Variants in NCS1 observed in about 807,000 individuals in gnomAD.
NCS1 encodes the protein neuronal calcium sensor 1, also known as frequenin homolog.
In NCS1, 6 loss-of-function variants were observed where a neutral mutation model predicts 28.4. That is an observed-to-expected ratio of 0.21 (90% confidence interval 0.12 to 0.42). The LOEUF (loss-of-function observed/expected upper bound fraction) is 0.42. Ranked by LOEUF, NCS1 falls within the 10% of genes least tolerant of loss-of-function variation. The pLI, the probability that NCS1 is intolerant of heterozygous loss-of-function variation, is 1.00. For synonymous variants in NCS1, 86 were observed against 99.3 expected (o/e 0.87, Z 0.79); for missense variants, 131 against 241.4 (o/e 0.54, Z 3.03).
At chr9:130,214,219 G>A (rs1172334143) in intron 2 of NCS1, among the ~76,000 whole-genome samples, 4 of 152,192 alleles carry the variant, frequency 2.6e-5, no homozygotes, top group African/African-American at 9.7e-5. Context: ...GAGGAGGCCC[G>A]GAGGCCTCAG....
intron 2 of NCS1, among the ~76,000 whole-genome samples, chr9:130,214,242 G>A (rs1036099669): frequency 6.6e-6 from 1 of 152,244 alleles, no homozygotes; most frequent in Non-Finnish European, 1.5e-5. Context: ...CTGGGGCTGG[G>A]CCGACTTCCT....
intron 7 of NCS1, among the ~76,000 whole-genome samples, chr9:130,231,708 G>A (rs139689084): frequency 1.6e-4 from 24 of 151,868 alleles, no homozygotes; most frequent in African/African-American, 5.6e-4. Flanking sequence ...TGGTTCTTTG[G>A]GTATATACCT....
intron 1 of NCS1, among the ~76,000 whole-genome samples, chr9:130,187,138 G>A (rs1458513956): frequency 1.3e-5 from 2 of 152,162 alleles, no homozygotes; most frequent in Non-Finnish European, 2.9e-5. Flanking sequence ...TCGGAAAGCA[G>A]GGGAGCAATG....
intron 2 of NCS1, among the ~76,000 whole-genome samples, chr9:130,211,534 G>T (rs889467870): frequency 1.4e-4 from 22 of 151,732 alleles, no homozygotes; most frequent in African/African-American, 4.8e-4. Flanking sequence ...CTGGAATCAA[G>T]CAGAAGATGT....
intron 1 of NCS1, among the ~76,000 whole-genome samples, chr9:130,197,587 G>T (rs139465029): frequency 6.6e-6 from 1 of 152,310 alleles, no homozygotes; most frequent in Non-Finnish European, 1.5e-5. Context: ...AGCCTGACCC[G>T]TGCCAGAGCT....
chr9:130,207,363 C>T (rs1554908234), intron 2 of NCS1, among the ~76,000 whole-genome samples: 1 of 152,248 alleles, frequency 6.6e-6, no homozygotes, highest in Non-Finnish European at 1.5e-5. Context: ...TCACCGTGCA[C>T]TGGCCACACT....
Position 130,192,576 on chromosome 9 carries a change from G to A in NCS1, c.65-8382G>A, listed in dbSNP as rs1397789743. ...GACCTCTTTCGTGGGACAGAGAGGG[G>A]AGGGTGCGTGGCCACGTTCACACAT... On this transcript the variant is annotated intron_variant, in intron 1 of 7. Coordinates refer to ENST00000372398, the MANE Select transcript of NCS1 (RefSeq NM_014286.4). The surrounding 1 kb of genome is among the most constrained non-coding windows in gnomAD (Gnocchi z 4.8). Among the ~76,000 whole-genome samples, 4 of 152,176 alleles carry A rather than the reference G, an allele frequency of 2.6e-5. No homozygotes were observed. The highest frequency in any genetic ancestry group is 9.7e-5 in the African/African-American group (4 of 41,450).
intron 1 of NCS1, among the ~76,000 whole-genome samples, chr9:130,193,550 G>A (rs1212514419): frequency 6.6e-6 from 1 of 152,118 alleles, no homozygotes; most frequent in Non-Finnish European, 1.5e-5. Flanking sequence ...TGGGGACCTG[G>A]GAAGAGGCCC....
intron 6 of NCS1, among the ~76,000 whole-genome samples, chr9:130,224,374 AGAGT>A (rs1165240452): frequency 5.6e-4 from 82 of 145,934 alleles, no homozygotes; most frequent in Non-Finnish European, 8.0e-4. Context: ...CCTGGGCAAC[AGAGT>A]GAGACGCAGT....
intron 1 of NCS1, among the ~76,000 whole-genome samples, chr9:130,189,858 C>CAA (rs869189538): frequency 1.6e-4 from 7 of 43,112 alleles, no homozygotes; most frequent in African/African-American, 6.8e-4. Context: ...GACTCCATCT[C>CAA]AAAAAAAAAA....
intron 1 of NCS1, among the ~76,000 whole-genome samples, chr9:130,195,313 C>T (rs1020565200): frequency 1.3e-5 from 2 of 152,200 alleles, no homozygotes; most frequent in African/African-American, 4.8e-5. Context: ...CTTGGTCAGA[C>T]CCCCGTTGGC....
At chr9:130,222,037 G>GTATATAAATA in intron 4 of NCS1, among the ~76,000 whole-genome samples, 2 of 15,498 alleles carry the variant, frequency 1.3e-4, no homozygotes, top group African/African-American at 4.1e-4. Context: ...TATAAATTAT[G>GTATATAAATA]TATCTATAAA....
At chr9:130,206,240 C>T (rs1399452506) in intron 2 of NCS1, among the ~76,000 whole-genome samples, 2 of 152,160 alleles carry the variant, frequency 1.3e-5, no homozygotes, top group African/African-American at 2.4e-5. Flanking sequence ...CCTGCCTACT[C>T]ACGGGCTGGA....
intron 1 of NCS1, among the ~76,000 whole-genome samples, chr9:130,195,018 G>T (rs1832861357): frequency 6.6e-6 from 1 of 152,194 alleles, no homozygotes; most frequent in African/African-American, 2.4e-5. Flanking sequence ...AAGTGTCCTG[G>T]CCTCTGCAGG....
At chr9:130,194,371 G>GCTGTGGGCACCGCGGGTGCTTCCTGT (rs1832852603) in intron 1 of NCS1, among the ~76,000 whole-genome samples, 1 of 152,198 alleles carries the variant, frequency 6.6e-6, no homozygotes, top group African/African-American at 2.4e-5. Context: ...GTGCTTCCTG[G>GCTGTGGGCACCGCGGGTGCTTCCTGT]CTGTGGGGTA....
chr9:130,184,590 C>CT (rs1832715003), intron 1 of NCS1, among the ~76,000 whole-genome samples: 1 of 152,146 alleles, frequency 6.6e-6, no homozygotes, highest in Admixed American at 6.5e-5. Context: ...ATGCAGCGTG[C>CT]TAGGGCAGCC....
intron 1 of NCS1, among the ~76,000 whole-genome samples, chr9:130,178,726 G>A (rs1832610319): frequency 6.6e-6 from 1 of 152,026 alleles, no homozygotes; most frequent in Non-Finnish European, 1.5e-5. Context: ...GAAGAGGGGT[G>A]GTAATGAGAC....
intron 2 of NCS1, among the ~76,000 whole-genome samples, chr9:130,213,170 C>T (rs1233454675): frequency 1.3e-5 from 2 of 152,242 alleles, no homozygotes; most frequent in African/African-American, 4.8e-5. Context: ...GGTCTGAGCC[C>T]TGTTTCTGCT....
In NCS1 at chr9:130,180,663, T is replaced by C. The variant is rs2131116848; in HGVS notation, c.64+7936T>C. Among the ~76,000 whole-genome samples the C allele has an allele frequency of 6.6e-6, 1 of 152,270 alleles. No homozygotes were observed. The highest frequency in any genetic ancestry group is 2.1e-4 in the South Asian group (1 of 4,826). Reference sequence around the variant, plus strand: ...TGGCCAGCTCCTTACGTCTCTGAGCTCTGAGGTCCCTTGCGCATGAGACAG... The same window carrying C: ...TGGCCAGCTCCTTACGTCTCTGAGCCCTGAGGTCCCTTGCGCATGAGACAG... On this transcript the variant is annotated intron_variant, in intron 1 of 7. Coordinates refer to ENST00000372398, the MANE Select transcript of NCS1 (RefSeq NM_014286.4). The surrounding 1 kb of genome is among the most constrained non-coding windows in gnomAD (Gnocchi z 4.5).
Sources: allele counts gnomAD v4.1 joint callset (sites outside exome capture counted in the v4.1 genomes callset), GRCh38; gene constraint gnomAD v4.1.1; non-coding constraint Gnocchi (gnomAD v3.1); transcripts MANE v1.5; gene names NCBI Gene and HGNC (gene_info 2026-07-23, HGNC 2026-07-21).